The following ATP11C variants were observed in gnomAD, a reference collection of about 807,000 sequenced individuals.
The protein encoded by ATP11C is ATPase phospholipid transporting 11C (ATP11C blood group).
ATP11C carries 36 observed loss-of-function variants against 97.4 expected under a neutral mutation model. The observed-to-expected ratio is 0.37, with a 90% confidence interval of 0.28 to 0.49. The LOEUF is 0.49. Among genes scored for constraint, ATP11C ranks in the 20% least tolerant of loss-of-function variants. The pLI is 0.98. For missense variants in ATP11C, 730 were observed against 824.6 expected (o/e 0.89, Z 1.40); for synonymous variants, 275 against 290.9 (o/e 0.95, Z 0.56).
chrX:139,848,309 G>A (rs185255680), intron 1 of ATP11C, among the ~76,000 whole-genome samples: 1 of 110,889 alleles, frequency 9.0e-6, no homozygotes, highest in East Asian at 2.8e-4. Flanking sequence ...AGATTGCTGA[G>A]TCCCAAAACT....
At position 139,726,778 on chromosome X, in the gene ATP11C, A is replaced by T. The variant is rs747367234; in HGVS notation, c.*2188T>A. 1 of 111,977 alleles carries T rather than the reference A, an allele frequency of 8.9e-6. No individual in the cohort carries two copies. The highest frequency in any genetic ancestry group is 3.8e-4 in the South Asian group (1 of 2,654). The allele number at this position is 111,977 out of a possible 1,213,427, so 9.2% of individuals were successfully genotyped here. ...ATTCAAATTATAGGTAGATGATCTT[A>T]TTATATTTTTTTCCCTTTCTCTGTC... On this transcript the variant is annotated 3_prime_UTR_variant, in exon 30 of 30. Transcript: ENST00000682941.
chrX:139,906,145 T>C (rs2084971368), intron 1 of ATP11C, among the ~76,000 whole-genome samples: 1 of 110,582 alleles, frequency 9.0e-6, no homozygotes, highest in South Asian at 3.9e-4. Flanking sequence ...CTCATGCCTA[T>C]AATCTCAGCA....
chrX:139,755,738 T>C (rs1383439742), intron 23 of ATP11C, among the ~76,000 whole-genome samples: 1 of 111,993 alleles, frequency 8.9e-6, no homozygotes, highest in South Asian at 3.7e-4. Flanking sequence ...AGAATCCCTA[T>C]TCAATAAATG....
chrX:139,920,420 T>C (rs2032116207), intron 1 of ATP11C, among the ~76,000 whole-genome samples: 1 of 110,109 alleles, frequency 9.1e-6, no homozygotes, highest in African/African-American at 3.3e-5. Flanking sequence ...CTTGAAAATA[T>C]TACTATGCTA....
chrX:139,745,896 T>A (rs1415761099), intron 24 of ATP11C, 39 bp from the exon 25 acceptor site: 1 of 1,175,190 alleles, frequency 8.5e-7, no homozygotes, highest in Non-Finnish European at 1.1e-6. Context: ...TAGTGAAACT[T>A]TTCATTTAAA....
chrX:139,742,864 TA>T (rs573243237), intron 26 of ATP11C, among the ~76,000 whole-genome samples: 58 of 20,115 alleles, frequency 2.9e-3, no homozygotes, highest in Admixed American at 4.6e-3. Context: ...ATTTTTAAAT[TA>T]AAAAAAAAAA....
intron 1 of ATP11C, among the ~76,000 whole-genome samples, chrX:139,854,023 A>C (rs927915915): frequency 1.7e-4 from 19 of 111,519 alleles, no homozygotes; most frequent in South Asian, 3.7e-4. Flanking sequence ...CCTAGGAGGA[A>C]CTCCCTTCAG....
At chrX:139,798,991 G>A (rs778565821) in intron 8 of ATP11C, among the ~76,000 whole-genome samples, 1 of 111,278 alleles carries the variant, frequency 9.0e-6, no homozygotes, top group Non-Finnish European at 1.9e-5. Context: ...AAATACATGG[G>A]GGGGGATAAA....
chrX:139,761,902 C>A, intron 22 of ATP11C, 59 bp downstream of exon 22: 1 of 868,312 alleles, frequency 1.2e-6, no homozygotes, highest in Non-Finnish European at 1.5e-6. Flanking sequence ...AAAACCATGA[C>A]CAAGCTGAGC....
At chrX:139,832,688 T>C (rs931825620) in intron 1 of ATP11C, among the ~76,000 whole-genome samples, 3 of 112,145 alleles carry the variant, frequency 2.7e-5, no homozygotes, top group African/African-American at 9.7e-5. Context: ...ATAATCTAAG[T>C]ATTCACTATG....
chrX:139,735,048 CA>C (rs2081415622), intron 28 of ATP11C, among the ~76,000 whole-genome samples: 2 of 111,351 alleles, frequency 1.8e-5, no homozygotes, highest in African/African-American at 6.5e-5. Context: ...TACCTGCTTA[CA>C]GAAGTATTCC....
intron 23 of ATP11C, among the ~76,000 whole-genome samples, chrX:139,755,054 G>C (rs898448839): frequency 8.0e-5 from 9 of 112,100 alleles, no homozygotes; most frequent in Non-Finnish European, 1.3e-4. Context: ...AACTATCCCT[G>C]TTTGCAGACA....
At chrX:139,746,140 A>G (rs1441147810) in intron 24 of ATP11C, among the ~76,000 whole-genome samples, 5 of 111,762 alleles carry the variant, frequency 4.5e-5, no homozygotes, top group African/African-American at 1.6e-4. Context: ...TGGTACTTAT[A>G]TACCAGGAAC....
intron 1 of ATP11C, among the ~76,000 whole-genome samples, chrX:139,900,892 G>A (rs1389819376): frequency 8.9e-6 from 1 of 112,000 alleles, no homozygotes; most frequent in Non-Finnish European, 1.9e-5. Flanking sequence ...TAGGGCCTTT[G>A]AGAGGTGATT....
At chrX:139,894,061 G>T (rs893696868) in intron 1 of ATP11C, among the ~76,000 whole-genome samples, 1 of 111,304 alleles carries the variant, frequency 9.0e-6, no homozygotes, top group African/African-American at 3.3e-5. Flanking sequence ...GCAAAAGAAG[G>T]CCTCAAGCAA....
chrX:139,763,595 G>A lies in ATP11C; in HGVS notation c.2392-177C>T, dbSNP rs540763171. On this transcript the variant is annotated intron_variant, in intron 20 of 29. Transcript: ENST00000682941. ...TTGGAGGACTGGCTCCAGGACGCTC[G>A]TAGATACCAAAATCCTCCTGCATAC... Among the ~76,000 whole-genome samples, 572 of 112,113 alleles carry A rather than the reference G, an allele frequency of 5.1e-3. 4 individuals carry two copies. Among genetic ancestry groups the A allele is most frequent in the Middle Eastern group, 0.028 (6 of 215 alleles).
chrX:139,856,844 A>T (rs568766710), intron 1 of ATP11C, among the ~76,000 whole-genome samples: 4 of 112,444 alleles, frequency 3.6e-5, no homozygotes, highest in African/African-American at 1.3e-4. Flanking sequence ...GCTACTAGCC[A>T]GATGGCTTGG....
intron 5 of ATP11C, among the ~76,000 whole-genome samples, chrX:139,813,582 C>G (rs964800427): frequency 9.0e-6 from 1 of 111,579 alleles, no homozygotes; most frequent in African/African-American, 3.3e-5. Flanking sequence ...TATTATTCAT[C>G]ACTAGAAACA....
At chrX:139,817,017 A>C (rs2083300270) in intron 3 of ATP11C, 74 bp from the exon 4 acceptor site, 2 of 583,863 alleles carry the variant, frequency 3.4e-6, no homozygotes, top group South Asian at 3.2e-5. Flanking sequence ...TACATGCTGC[A>C]AACATTTCAA....
Sources: gnomAD v4.1 joint callset for allele counts (sites outside exome capture counted in the v4.1 genomes callset) on GRCh38, gnomAD v4.1.1 for gene constraint, MANE v1.5 for transcripts, NCBI Gene and HGNC (gene_info 2026-07-23, HGNC 2026-07-21) for gene names.